The following STXBP4 variants were observed in gnomAD, a reference collection of about 807,000 sequenced individuals.
STXBP4 encodes the protein syntaxin-binding protein 4.
STXBP4 carries 55 observed loss-of-function variants against 76.1 expected under a neutral mutation model. The ratio of observed to expected loss-of-function variants is 0.72; its 90% CI spans 0.58 to 0.91. The LOEUF (loss-of-function observed/expected upper bound fraction) is 0.91. Among genes scored for constraint, STXBP4 ranks in the 40% least tolerant of loss-of-function variants. The pLI, the probability that STXBP4 is intolerant of heterozygous loss-of-function variation, is 0.00. For missense variants in STXBP4, 618 were observed against 636.9 expected, an observed-to-expected ratio of 0.97 and a Z score of 0.32; for synonymous variants, 201 against 220.2, an observed-to-expected ratio of 0.91 and a Z score of 0.77.
At chr17:55,123,815 G>A (rs1002966881) in intron 16 of STXBP4, among the ~76,000 whole-genome samples, 3 of 151,790 alleles carry the variant, frequency 2.0e-5, no homozygotes, top group Non-Finnish European at 2.9e-5. Context: ...CAGGAGAATC[G>A]CTTGAACCCA....
chr17:55,081,280 A>C, intron 16 of STXBP4, 97 bp downstream of exon 16: 1 of 937,722 alleles, frequency 1.1e-6, no homozygotes, highest in Non-Finnish European at 1.5e-6. Flanking sequence ...GCTTGCCTAC[A>C]GCAAAGTTGA....
chr17:55,114,075 C>T (rs1232768428), intron 16 of STXBP4, among the ~76,000 whole-genome samples: 2 of 152,086 alleles, frequency 1.3e-5, no homozygotes, highest in Non-Finnish European at 2.9e-5. Flanking sequence ...ACTCTTTCCA[C>T]CTTTCCAATC....
At chr17:55,043,193 G>A (rs776250212) in intron 10 of STXBP4, 43 bp from the exon 11 acceptor site, 6 of 988,646 alleles carry the variant, frequency 6.1e-6, no homozygotes, top group Admixed American at 3.0e-5. Context: ...CTCATAATTA[G>A]CATCTAATGC....
chr17:55,204,319 T>C, the STXBP4 span, among the ~76,000 whole-genome samples: 1 of 152,110 alleles, frequency 6.6e-6, no homozygotes, highest in Non-Finnish European at 1.5e-5. Flanking sequence ...ATTCTCCATT[T>C]TGTCATCCAA....
intron 1 of STXBP4, among the ~76,000 whole-genome samples, chr17:54,979,279 G>T (rs1023723655): frequency 2.0e-5 from 3 of 151,924 alleles, no homozygotes; most frequent in Non-Finnish European, 4.4e-5. Context: ...CACTTTTAAG[G>T]GATATTTTAC....
intron 8 of STXBP4, among the ~76,000 whole-genome samples, chr17:55,016,821 G>T (rs1435085615): frequency 2.0e-5 from 3 of 152,202 alleles, no homozygotes; most frequent in African/African-American, 7.2e-5. Flanking sequence ...AGATTTTTGA[G>T]TTAGTAAGCT....
In STXBP4 at chr17:55,069,248, A is replaced by G. The variant is rs557429543; in HGVS notation, c.1012-3652A>G. Reference sequence around the variant, plus strand: ...CTCACACTGCTTAGTATTAAAAAGCATAATGCTTATGTGGATTTTCTGACT... The same window carrying G: ...CTCACACTGCTTAGTATTAAAAAGCGTAATGCTTATGTGGATTTTCTGACT... On this transcript the variant is annotated intron_variant, in intron 12 of 17. Transcript: ENST00000376352. Among the ~76,000 whole-genome samples the G allele has an allele frequency of 4.6e-5, 7 of 151,884 alleles. No individual in the cohort carries two copies. The South Asian group carries it at 1.5e-3, about 32-fold the overall frequency.
chr17:55,045,787 C>G (rs1199053904), intron 11 of STXBP4, among the ~76,000 whole-genome samples: 1 of 152,000 alleles, frequency 6.6e-6, no homozygotes, highest in Non-Finnish European at 1.5e-5. Context: ...ACCTCAAAAC[C>G]TACCTATTGG....
intron 12 of STXBP4, among the ~76,000 whole-genome samples, chr17:55,056,988 T>A (rs909331115): frequency 2.6e-5 from 4 of 152,244 alleles, no homozygotes; most frequent in African/African-American, 9.6e-5. Flanking sequence ...GATCTGCATA[T>A]TAGCTTATAG....
intron 1 of STXBP4, among the ~76,000 whole-genome samples, chr17:54,978,749 TA>T (rs1329139333): frequency 1.3e-5 from 2 of 152,006 alleles, no homozygotes; most frequent in Non-Finnish European, 2.9e-5. Flanking sequence ...ATTCAAAAAA[TA>T]AAGAATAACT....
chr17:54,974,542 A>G (rs1242923072), intron 1 of STXBP4, among the ~76,000 whole-genome samples: 3 of 152,256 alleles, frequency 2.0e-5, no homozygotes, highest in Admixed American at 2.0e-4. Flanking sequence ...TAATTCAAGT[A>G]ATGTTTATCA....
At chr17:55,211,801 T>TTG in the STXBP4 span, among the ~76,000 whole-genome samples, 1 of 100,070 alleles carries the variant, frequency 1.0e-5, no homozygotes, top group African/African-American at 4.8e-5. Context: ...TTTTTGTTGT[T>TTG]TTTTTTTTTT....
intron 4 of STXBP4, among the ~76,000 whole-genome samples, chr17:54,992,876 C>G (rs2077741123): frequency 6.6e-6 from 1 of 151,932 alleles, no homozygotes; most frequent in African/African-American, 2.4e-5. Flanking sequence ...ACACACCTAA[C>G]TAATTTTTGT....
At chr17:55,052,987 T>TAAAAAA (rs71361753) in intron 12 of STXBP4, among the ~76,000 whole-genome samples, 1 of 133,886 alleles carries the variant, frequency 7.5e-6, no homozygotes, top group Non-Finnish European at 1.6e-5. Context: ...GCTATTTTCT[T>TAAAAAA]AAAAAAAAAA....
chr17:55,092,494 G>T (rs1482472819), intron 16 of STXBP4, among the ~76,000 whole-genome samples: 1 of 152,086 alleles, frequency 6.6e-6, no homozygotes, highest in African/African-American at 2.4e-5. Flanking sequence ...GGCAACAAAA[G>T]AAATGGATGT....
At chr17:55,043,126 T>C (rs2078730925) in intron 10 of STXBP4, 110 bp from the exon 11 acceptor site, 3 of 460,018 alleles carry the variant, frequency 6.5e-6, no homozygotes, top group Non-Finnish European at 1.1e-5. Context: ...AGAAACTGAA[T>C]TTTGTTATTA....
At chr17:55,007,653 T>G in intron 8 of STXBP4, 56 bp downstream of exon 8, 1 of 1,362,322 alleles carries the variant, frequency 7.3e-7, no homozygotes, top group African/African-American at 1.5e-5. Context: ...GAAAGAAGTA[T>G]TCTCCTTCTT....
chr17:55,212,822 C>G, the STXBP4 span, among the ~76,000 whole-genome samples: 1 of 147,856 alleles, frequency 6.8e-6, no homozygotes, highest in African/African-American at 2.4e-5. Context: ...AGGATTAAAA[C>G]TGGAGAGGTG....
At chr17:55,043,376 GA>G (rs2078735959) in intron 11 of STXBP4, 51 bp downstream of exon 11, 2 of 1,140,594 alleles carry the variant, frequency 1.8e-6, no homozygotes, top group Non-Finnish European at 2.4e-6. Flanking sequence ...AAAAGAAAAA[GA>G]AAAAAATCCT....
Sources: gnomAD v4.1 joint callset for allele counts (sites outside exome capture counted in the v4.1 genomes callset) on GRCh38, gnomAD v4.1.1 for gene constraint, MANE v1.5 for transcripts, NCBI Gene and HGNC (gene_info 2026-07-23, HGNC 2026-07-21) for gene names.